Variants in DENND1B observed in about 807,000 individuals in gnomAD.
DENND1B encodes the protein DENN domain-containing protein 1B.
DENND1B carries 59 observed loss-of-function variants against 90.1 expected under a neutral mutation model. The ratio of observed to expected loss-of-function variants is 0.65; its 90% CI spans 0.53 to 0.81. DENND1B has a LOEUF of 0.81. DENND1B is among the 40% of genes least tolerant of loss of function. The pLI is 0.00. For synonymous variants in DENND1B, 337 were observed against 324.6 expected (o/e 1.04, Z -0.41); for missense variants, 862 against 912.6 (o/e 0.94, Z 0.71).
intron 14 of DENND1B, among the ~76,000 whole-genome samples, chr1:197,594,857 C>A (rs1293292238): frequency 6.6e-6 from 1 of 151,986 alleles, no homozygotes; most frequent in Non-Finnish European, 1.5e-5. Flanking sequence ...CTAATAAGCC[C>A]AATTGTCTTG....
intron 10 of DENND1B, among the ~76,000 whole-genome samples, chr1:197,629,529 G>A (rs1679126211): frequency 7.5e-6 from 1 of 133,180 alleles, no homozygotes; most frequent in Non-Finnish European, 1.6e-5. Flanking sequence ...GACTGTTGTG[G>A]GGTCGGGGGA....
intron 3 of DENND1B, 88 bp from the exon 4 acceptor site, chr1:197,674,257 G>C (rs1271385223): frequency 8.8e-6 from 8 of 905,106 alleles, no homozygotes; most frequent in Non-Finnish European, 1.2e-5. Context: ...TTTTCTAGGA[G>C]AAAAAGATGC....
intron 10 of DENND1B, among the ~76,000 whole-genome samples, chr1:197,622,011 C>T (rs1324958222): frequency 6.6e-6 from 1 of 151,172 alleles, no homozygotes; most frequent in Non-Finnish European, 1.5e-5. Flanking sequence ...ACTTCAATTA[C>T]AACATAAGTA....
chr1:197,690,392 T>C (rs1171282603), intron 3 of DENND1B: 3 of 174,114 alleles, frequency 1.7e-5, no homozygotes, highest in South Asian at 2.6e-4. Context: ...TGAAGCAAGA[T>C]TGATTGCCAC....
At position 197,773,093 on chromosome 1, in the gene DENND1B, A is replaced by G. The variant is rs138277540; in HGVS notation, c.18-161T>C. The G allele has an allele frequency of 7.9e-4, 532 of 677,592 alleles. 4 individuals are homozygous for G. The African/African-American group carries it at 8.6e-3, about 11-fold the overall frequency. The allele number at this position is 677,592 out of a possible 1,614,324, so 42.0% of individuals were successfully genotyped here. A position where few individuals can be genotyped will look rare whatever the true frequency, so the allele number is the denominator to read the frequency against. ...AAATAACAATGAAACTGTTTTCTCA[A>G]TTGAGCAACTTAAAAGAGCTGAGAC... On this transcript the variant is annotated intron_variant, in intron 1 of 22. Transcript: ENST00000620048.
intron 13 of DENND1B, chr1:197,606,860 T>C (rs1468390462): frequency 2.2e-6 from 1 of 459,954 alleles, no homozygotes; most frequent in Non-Finnish European, 3.8e-6. Flanking sequence ...ATTATGATCT[T>C]ACTTTTACAA....
chr1:197,659,275 G>C (rs1304113265), intron 5 of DENND1B, among the ~76,000 whole-genome samples: 1 of 151,570 alleles, frequency 6.6e-6, no homozygotes, highest in Non-Finnish European at 1.5e-5. Flanking sequence ...TCAGTAAGTA[G>C]AACGTAAAAA....
chr1:197,617,578 C>G (rs1677771078), intron 11 of DENND1B, 81 bp downstream of exon 11: 2 of 969,334 alleles, frequency 2.1e-6, no homozygotes, highest in Non-Finnish European at 1.6e-6. Flanking sequence ...AATATGCCCC[C>G]AAGTTTACCT....
At chr1:197,760,517 T>C (rs896172113) in intron 2 of DENND1B, among the ~76,000 whole-genome samples, 4 of 151,886 alleles carry the variant, frequency 2.6e-5, no homozygotes, top group African/African-American at 9.7e-5. Flanking sequence ...GGTGTGTACC[T>C]GTAATCCCAG....
In DENND1B at chr1:197,739,784, A is replaced by G. The variant is rs549776258; in HGVS notation, c.83-24710T>C. On this transcript the variant is annotated intron_variant, in intron 2 of 22. Transcript: ENST00000620048. ...CAACCCAATAAAGAAAATATAAGAG[A>G]AAGAGCTGAACAGACATTTCACCAA... is the stretch of plus-strand genomic sequence containing the variant. 1.1e-4 allele frequency among the ~76,000 whole-genome samples: 16 copies of G among 152,304 alleles called. No homozygotes were observed. The East Asian group carries it at 2.9e-3, about 28-fold the overall frequency.
chr1:197,513,171 T>TA (rs4026515), intron 20 of DENND1B, among the ~76,000 whole-genome samples: 17 of 147,046 alleles, frequency 1.2e-4, no homozygotes, highest in African/African-American at 3.7e-4. Context: ...CTCAAACCAA[T>TA]AAAAAAAAAA....
chr1:197,717,052 A>T (rs1382931344), intron 2 of DENND1B, among the ~76,000 whole-genome samples: 3 of 151,886 alleles, frequency 2.0e-5, no homozygotes, highest in African/African-American at 7.2e-5. Flanking sequence ...CTTTTCATTA[A>T]ATGAATTTTA....
chr1:197,640,308 A>T (rs984332939), intron 10 of DENND1B, among the ~76,000 whole-genome samples: 2 of 151,960 alleles, frequency 1.3e-5, no homozygotes, highest in Non-Finnish European at 2.9e-5. Context: ...CCCCGTCTCT[A>T]CTAAAAATAC....
chr1:197,693,203 A>G (rs1344158546), intron 3 of DENND1B, among the ~76,000 whole-genome samples: 3 of 151,724 alleles, frequency 2.0e-5, no homozygotes, highest in Non-Finnish European at 3.0e-5. Context: ...CTAAGGATAT[A>G]GCTGTATGTT....
chr1:197,772,815 T>C (rs1656786837), intron 2 of DENND1B, 53 bp downstream of exon 2: 2 of 1,457,576 alleles, frequency 1.4e-6, no homozygotes, highest in Admixed American at 4.3e-5. Context: ...GAATGAGATC[T>C]TGTCCCAAAA....
At chr1:197,622,045 C>A (rs1432091911) in intron 10 of DENND1B, among the ~76,000 whole-genome samples, 3 of 151,276 alleles carry the variant, frequency 2.0e-5, no homozygotes, top group African/African-American at 7.3e-5. Context: ...TGAGAAGGGA[C>A]AAGAACTAAT....
chr1:197,772,857 A>G lies in DENND1B; in HGVS notation c.82+11T>C. The G allele has an allele frequency of 6.5e-7, 1 of 1,549,336 alleles. No homozygotes were observed. Among genetic ancestry groups the G allele is most frequent in the Non-Finnish European group, 8.7e-7 (1 of 1,145,820 alleles). On this transcript the variant is annotated intron_variant, in intron 2 of 22. Transcript: ENST00000620048. The stretch of plus-strand genomic sequence containing the variant: ...GACCTTGTCAAATAACAGAACACAG[A>G]AGACACATACCTTCATTTTCAGAGG...
At chr1:197,761,442 T>C (rs1655039240) in intron 2 of DENND1B, among the ~76,000 whole-genome samples, 1 of 152,188 alleles carries the variant, frequency 6.6e-6, no homozygotes, top group South Asian at 2.1e-4. Context: ...TGCATAGACC[T>C]TGAGGACATA....
At chr1:197,565,305 T>C (rs1018448338) in intron 15 of DENND1B, among the ~76,000 whole-genome samples, 1 of 151,956 alleles carries the variant, frequency 6.6e-6, no homozygotes, top group African/African-American at 2.4e-5. Flanking sequence ...AACATCTTAT[T>C]ATGTCAGGGA....
Sources: gnomAD v4.1 joint callset for allele counts (sites outside exome capture counted in the v4.1 genomes callset) on GRCh38, gnomAD v4.1.1 for gene constraint, MANE v1.5 for transcripts, NCBI Gene and HGNC (gene_info 2026-07-23, HGNC 2026-07-21) for gene names.